Variants in ANO4 observed in about 807,000 individuals in gnomAD.
ANO4 encodes anoctamin-4.
Under a neutral mutation model 141.9 loss-of-function variants are expected in ANO4, and 69 were observed. The observed-to-expected ratio is 0.49, with a 90% confidence interval of 0.40 to 0.59. The LOEUF (loss-of-function observed/expected upper bound fraction) is 0.59. ANO4 is among the 20% of genes least tolerant of loss of function. The probability of loss-of-function intolerance (pLI) is 0.00; values close to 1 mark genes in which losing one functional copy is unlikely to be tolerated. For missense variants in ANO4, 894 were observed against 1,162.2 expected (o/e 0.77, Z 3.36); for synonymous variants, 350 against 394.3 (o/e 0.89, Z 1.33).
chr12:100,831,636 A>G (rs1281825623), intron 1 of ANO4, among the ~76,000 whole-genome samples: 6 of 152,108 alleles, frequency 3.9e-5, no homozygotes. Context: ...ACTGTAGGAG[A>G]TGCTTAATAT....
At chr12:101,093,631 G>A (rs1040112578) in intron 17 of ANO4, among the ~76,000 whole-genome samples, 2 of 151,852 alleles carry the variant, frequency 1.3e-5, no homozygotes, top group Non-Finnish European at 2.9e-5. Flanking sequence ...GTACACACAC[G>A]CACACACAAA....
At chr12:101,066,940 T>C in intron 14 of ANO4, 1 of 760,884 alleles carries the variant, frequency 1.3e-6, no homozygotes, top group Non-Finnish European at 2.4e-6. Flanking sequence ...CAAGGCAACA[T>C]GAGGACTTTG....
At chr12:100,938,574 T>A (rs757396440) in intron 3 of ANO4, among the ~76,000 whole-genome samples, 1 of 152,198 alleles carries the variant, frequency 6.6e-6, no homozygotes, top group Non-Finnish European at 1.5e-5. Flanking sequence ...TCAACCCATA[T>A]CTTTCCTCTG....
In ANO4 at chr12:100,842,079, C is replaced by A. The variant is rs1471900421; in HGVS notation, c.-141+47052C>A. 5.4e-5 allele frequency: 6 copies of A among 111,550 alleles called. 1 individual carries two copies. Among genetic ancestry groups the A allele is most frequent in the Non-Finnish European group, 7.9e-5 (4 of 50,772 alleles). 6.9% of individuals were successfully genotyped at this position (111,550 alleles called of 1,614,324 possible). On this transcript the variant is annotated intron_variant, in intron 1 of 27. Coordinates refer to ENST00000392977, the MANE Select transcript of ANO4 (RefSeq NM_001286615.2). ...AATATCCACCCCCCCCCCCCCCCCA[C>A]TGAAAGCCAAGGACAATAATATTCT...
At chr12:101,005,377 T>C (rs1407988862) in intron 8 of ANO4, among the ~76,000 whole-genome samples, 4 of 152,224 alleles carry the variant, frequency 2.6e-5, no homozygotes, top group Non-Finnish European at 5.9e-5. Context: ...ATTTGAATAT[T>C]GCATTGTTTT....
In ANO4 at chr12:101,126,885, G is replaced by GTGTTTTGTATAAAGCACCTCA; in HGVS notation, c.2685_2705dup (p.Leu901_Ile902insMetPheCysIleLysHisLeu). 1 of 1,613,608 alleles carries GTGTTTTGTATAAAGCACCTCA rather than the reference G, an allele frequency of 6.2e-7. No homozygotes were observed. Among genetic ancestry groups the GTGTTTTGTATAAAGCACCTCA allele is most frequent in the Non-Finnish European group, 8.5e-7 (1 of 1,179,716 alleles). ...ACATTCTCCTCTGTTTTAGCACCTC[G>GTGTTTTGTATAAAGCACCTCA]TGTTTTGTATAAAGCACCTCATTTC... On this transcript the variant is annotated inframe_insertion, in exon 27 of 28. Transcript: ENST00000392977.
At chr12:100,925,432 G>T (rs1282737360) in intron 3 of ANO4, among the ~76,000 whole-genome samples, 1 of 150,312 alleles carries the variant, frequency 6.7e-6, no homozygotes. Flanking sequence ...GCGGTGTTTG[G>T]TTTTCTGTTC....
chr12:100,966,861 GTA>G (rs143291891), intron 5 of ANO4, among the ~76,000 whole-genome samples: 25,543 of 144,766 alleles, frequency 0.18, 2,823 homozygotes, highest in East Asian at 0.32. Flanking sequence ...ATACACACAT[GTA>G]TATATATATA....
intron 9 of ANO4, among the ~76,000 whole-genome samples, chr12:101,028,877 C>G (rs1349386261): frequency 1.3e-5 from 2 of 152,092 alleles, no homozygotes; most frequent in Non-Finnish European, 2.9e-5. Flanking sequence ...GAAACATAAT[C>G]ATCAGATTGT....
At chr12:100,832,139 G>A (rs1360373999) in intron 1 of ANO4, among the ~76,000 whole-genome samples, 4 of 152,098 alleles carry the variant, frequency 2.6e-5, no homozygotes, top group African/African-American at 7.2e-5. Flanking sequence ...AGACAGGGAC[G>A]CTCATTCCCC....
chr12:101,041,141 C>A (rs2047397493), intron 11 of ANO4, among the ~76,000 whole-genome samples: 2 of 152,190 alleles, frequency 1.3e-5, no homozygotes, highest in African/African-American at 4.8e-5. Context: ...AGTCATGTCT[C>A]ATTTCCTAGA....
intron 1 of ANO4, among the ~76,000 whole-genome samples, chr12:100,881,380 A>G (rs2039560920): frequency 1.3e-5 from 2 of 151,616 alleles, no homozygotes; most frequent in Admixed American, 6.6e-5. Flanking sequence ...GCATATTCAT[A>G]TTCTGAATTT....
At chr12:100,773,452 T>C (rs2033378651) in intron 3 of ANO4, among the ~76,000 whole-genome samples, 1 of 152,208 alleles carries the variant, frequency 6.6e-6, no homozygotes, top group South Asian at 2.1e-4. Context: ...GGGTCAATTT[T>C]GCATTATCCT....
intron 3 of ANO4, among the ~76,000 whole-genome samples, chr12:100,929,766 C>T: frequency 6.6e-6 from 1 of 152,134 alleles, no homozygotes; most frequent in East Asian, 1.9e-4. Flanking sequence ...CACATCCTTG[C>T]CAGCAGTTGT....
intron 7 of ANO4, among the ~76,000 whole-genome samples, chr12:100,981,245 C>T (rs1474739647): frequency 1.3e-5 from 2 of 152,140 alleles, no homozygotes; most frequent in African/African-American, 4.8e-5. Context: ...CCAAATAGTA[C>T]CCCTGTGACC....
At chr12:100,943,772 C>CT (rs1330902907) in intron 5 of ANO4, among the ~76,000 whole-genome samples, 2 of 152,170 alleles carry the variant, frequency 1.3e-5, no homozygotes, top group Admixed American at 6.5e-5. Context: ...CCTATACAAA[C>CT]TGAGTGTATA....
At chr12:101,075,987 A>G (rs1425183874) in intron 14 of ANO4, among the ~76,000 whole-genome samples, 1 of 152,156 alleles carries the variant, frequency 6.6e-6, no homozygotes, top group East Asian at 1.9e-4. Flanking sequence ...TTCTTCCTCA[A>G]ATGAATGGGC....
At chr12:101,012,534 G>A (rs1301684180) in intron 8 of ANO4, among the ~76,000 whole-genome samples, 2 of 152,146 alleles carry the variant, frequency 1.3e-5, no homozygotes, top group African/African-American at 4.8e-5. Context: ...GTCTGGGTTT[G>A]TTTGTTCAGG....
chr12:101,106,115 G>C (rs2050429872), intron 22 of ANO4, among the ~76,000 whole-genome samples: 1 of 151,842 alleles, frequency 6.6e-6, no homozygotes, highest in South Asian at 2.1e-4. Context: ...TCAAAAAAAA[G>C]AAAAAGAAAA....
Sources: allele counts gnomAD v4.1 joint callset (sites outside exome capture counted in the v4.1 genomes callset), GRCh38; gene constraint gnomAD v4.1.1; transcripts MANE v1.5; gene names NCBI Gene and HGNC (gene_info 2026-07-23, HGNC 2026-07-21).